Variants in KLF12 observed in about 807,000 individuals in gnomAD.
The protein encoded by KLF12 is KLF transcription factor 12, also known as Krueppel-like factor 12.
A neutral mutation model predicts 37.8 loss-of-function variants in KLF12; 9 were observed. The ratio of observed to expected loss-of-function variants is 0.24; its 90% CI spans 0.14 to 0.42. The LOEUF is 0.42. KLF12 is among the 10% of genes least tolerant of loss of function. KLF12 has a pLI of 1.00. For missense variants in KLF12, 411 were observed against 516.0 expected (o/e 0.80, Z 1.97); for synonymous variants, 208 against 202.1 (o/e 1.03, Z -0.25).
intron 5 of KLF12, among the ~76,000 whole-genome samples, chr13:73,805,679 AGG>A (rs1882564034): frequency 2.3e-5 from 3 of 132,106 alleles, no homozygotes; most frequent in Admixed American, 2.2e-4. Flanking sequence ...GAAGGAAGGA[AGG>A]AAGGAAGGAA....
intron 1 of KLF12, among the ~76,000 whole-genome samples, chr13:74,014,510 T>TA (rs1892638454): frequency 6.6e-6 from 1 of 152,182 alleles, no homozygotes; most frequent in Non-Finnish European, 1.5e-5. Flanking sequence ...TATTCAAAGA[T>TA]AAAGTTGCCA....
the KLF12 span, among the ~76,000 whole-genome samples, chr13:74,288,669 C>T: frequency 6.6e-6 from 1 of 152,304 alleles, no homozygotes; most frequent in South Asian, 2.1e-4. Context: ...GCAGCCTAGA[C>T]TGGTGGGTTT....
chr13:74,230,301 C>T, the KLF12 span, among the ~76,000 whole-genome samples: 1 of 152,180 alleles, frequency 6.6e-6, no homozygotes, highest in Non-Finnish European at 1.5e-5. Context: ...TTCCTGAGGC[C>T]TCCCCAGCCC....
chr13:74,155,401 G>GAAAA, the KLF12 span, among the ~76,000 whole-genome samples: 2 of 144,682 alleles, frequency 1.4e-5, no homozygotes, highest in South Asian at 2.2e-4. Flanking sequence ...TGTTCTTGTT[G>GAAAA]CCCAGGCCAC....
chr13:74,275,822 CTTT>C, the KLF12 span, among the ~76,000 whole-genome samples: 1 of 107,212 alleles, frequency 9.3e-6, no homozygotes, highest in Non-Finnish European at 1.9e-5. Context: ...TTCTTTCTTT[CTTT>C]CTTTCTTTCT....
chr13:73,920,602 C>T (rs1237335787), intron 3 of KLF12, among the ~76,000 whole-genome samples: 1 of 152,104 alleles, frequency 6.6e-6, no homozygotes, highest in African/African-American at 2.4e-5. Context: ...CTTTTTGAGG[C>T]TCTTAGTTCC....
the KLF12 span, among the ~76,000 whole-genome samples, chr13:74,299,831 A>G: frequency 6.6e-6 from 1 of 152,200 alleles, no homozygotes; most frequent in Admixed American, 6.6e-5. Context: ...GGGCCCAAGC[A>G]GCCACTGCAT....
intron 5 of KLF12, among the ~76,000 whole-genome samples, chr13:73,798,085 G>T (rs554544843): frequency 9.4e-4 from 143 of 152,214 alleles, no homozygotes; most frequent in African/African-American, 3.2e-3. Flanking sequence ...AGAAAGCGTG[G>T]GTAAAAATGT....
At chr13:74,104,792 A>C (rs1268673667) in intron 1 of KLF12, among the ~76,000 whole-genome samples, 1 of 152,144 alleles carries the variant, frequency 6.6e-6, no homozygotes, top group Admixed American at 6.5e-5. Flanking sequence ...CACAATAGCA[A>C]ACCAATAAAG....
intron 5 of KLF12, among the ~76,000 whole-genome samples, chr13:73,773,159 C>A (rs1880376858): frequency 6.6e-6 from 1 of 152,160 alleles, no homozygotes; most frequent in African/African-American, 2.4e-5. Flanking sequence ...ACCTGAGTAT[C>A]CTTAGCATAT....
At chr13:74,044,306 C>T (rs1191382657) in intron 1 of KLF12, among the ~76,000 whole-genome samples, 2 of 151,654 alleles carry the variant, frequency 1.3e-5, no homozygotes, top group East Asian at 3.9e-4. Context: ...TGCAACACCC[C>T]AGTGGCAACA....
intron 1 of KLF12, among the ~76,000 whole-genome samples, chr13:74,031,090 T>A (rs1893099934): frequency 6.6e-6 from 1 of 152,146 alleles, no homozygotes; most frequent in Non-Finnish European, 1.5e-5. Flanking sequence ...CTCAGTAGAT[T>A]CACAGACTCA....
At chr13:73,886,400 GC>G (rs1363609613) in intron 3 of KLF12, among the ~76,000 whole-genome samples, 1 of 152,166 alleles carries the variant, frequency 6.6e-6, no homozygotes, top group Non-Finnish European at 1.5e-5. Flanking sequence ...AAATTAACTA[GC>G]AGCAATATGG....
chr13:74,063,025 G>C lies in KLF12; in HGVS notation c.-31-67972C>G, dbSNP rs193180905. 8.3e-4 allele frequency among the ~76,000 whole-genome samples: 126 copies of C among 152,308 alleles called. 1 individual carries two copies. The highest frequency in any genetic ancestry group is 3.4e-3 in the Middle Eastern group (1 of 294). ...CCGGTGTGAAATGGTGATGCTGTCA[G>C]TCAGCAGGAAAATTTTTTGCTTCGG... is the stretch of plus-strand genomic sequence containing the variant. On this transcript the variant is annotated intron_variant, in intron 1 of 7. Coordinates refer to ENST00000377669, the MANE Select transcript of KLF12 (RefSeq NM_007249.5).
chr13:73,919,174 A>G (rs2139205101), intron 3 of KLF12, among the ~76,000 whole-genome samples: 1 of 152,338 alleles, frequency 6.6e-6, no homozygotes, highest in East Asian at 1.9e-4. Flanking sequence ...AAGTTCACAG[A>G]AAATTCATTG....
the KLF12 span, among the ~76,000 whole-genome samples, chr13:74,152,873 G>A: frequency 1.4e-5 from 2 of 144,506 alleles, no homozygotes; most frequent in African/African-American, 5.3e-5. Flanking sequence ...GACAGAGTGA[G>A]ACCCCATTAC....
the KLF12 span, among the ~76,000 whole-genome samples, chr13:74,159,822 C>A: frequency 2.0e-5 from 3 of 152,008 alleles, no homozygotes; most frequent in Admixed American, 1.3e-4. Flanking sequence ...AGCTCGAGAC[C>A]AGCCTGGGCA....
chr13:73,811,110 C>T (rs193119611), intron 5 of KLF12, among the ~76,000 whole-genome samples: 69 of 150,148 alleles, frequency 4.6e-4, no homozygotes, highest in Admixed American at 1.6e-3. Flanking sequence ...CTCAGCCTCC[C>T]GAGTAACTGG....
At chr13:73,899,619 GA>G (rs1887948079) in intron 3 of KLF12, among the ~76,000 whole-genome samples, 2 of 152,128 alleles carry the variant, frequency 1.3e-5, no homozygotes, top group South Asian at 4.1e-4. Context: ...TGAGAAGGAA[GA>G]TCCGCACTTA....
Sources: gnomAD v4.1 joint callset for allele counts (sites outside exome capture counted in the v4.1 genomes callset) on GRCh38, gnomAD v4.1.1 for gene constraint, MANE v1.5 for transcripts, NCBI Gene and HGNC (gene_info 2026-07-23, HGNC 2026-07-21) for gene names.